The following TAS2R1 variants were observed in gnomAD, a reference collection of about 807,000 sequenced individuals.
TAS2R1 encodes the protein taste receptor type 2 member 1.
For missense variants in TAS2R1, 370 were observed against 353.4 expected (o/e 1.05, Z -0.38); for synonymous variants, 141 against 134.2 (o/e 1.05, Z -0.35).
the TAS2R1 span, among the ~76,000 whole-genome samples, chr5:9,742,645 C>T: frequency 1.3e-5 from 2 of 152,146 alleles, no homozygotes; most frequent in Non-Finnish European, 2.9e-5. Context: ...AAAGAAAATA[C>T]TCAAGGTTGT....
At chr5:9,729,033 A>G in the TAS2R1 span, among the ~76,000 whole-genome samples, 1 of 152,202 alleles carries the variant, frequency 6.6e-6, no homozygotes, top group Non-Finnish European at 1.5e-5. Flanking sequence ...ACCAGCATCC[A>G]GCTGTGCCAC....
chr5:9,716,448 G>A (rs1436278078), upstream of TAS2R1, among the ~76,000 whole-genome samples: 2 of 152,002 alleles, frequency 1.3e-5, no homozygotes, highest in Non-Finnish European at 2.9e-5. Context: ...AGCTAACTAA[G>A]GAGAAAGTCC....
intron 2 of TAS2R1, among the ~76,000 whole-genome samples, chr5:9,649,212 A>C (rs1489121962): frequency 6.6e-6 from 1 of 152,172 alleles, no homozygotes; most frequent in African/African-American, 2.4e-5. Flanking sequence ...AAAGTCATGC[A>C]TGGAATTCAT....
At chr5:9,731,077 T>G in the TAS2R1 span, among the ~76,000 whole-genome samples, 2 of 152,088 alleles carry the variant, frequency 1.3e-5, no homozygotes, top group Non-Finnish European at 2.9e-5. Context: ...CTGTCCCCCA[T>G]GAGTGTGTAC....
chr5:9,752,779 A>G, the TAS2R1 span, among the ~76,000 whole-genome samples: 6 of 145,174 alleles, frequency 4.1e-5, no homozygotes, highest in African/African-American at 1.3e-4. Context: ...ATTCCCACCT[A>G]TGAGTGAGAA....
chr5:9,902,958 G>A, the TAS2R1 span, among the ~76,000 whole-genome samples: 1 of 151,900 alleles, frequency 6.6e-6, no homozygotes, highest in Admixed American at 6.6e-5. Flanking sequence ...AAAAAAAAAT[G>A]TGTGAGTATG....
Position 9,709,254 on chromosome 5 carries a change from T to C in TAS2R1, c.-242+2918A>G, listed in dbSNP as rs147782638. ...ACCTTCCACAGACTCACTCATTGGC[T>C]AGAAGTGGGTCATTGTTTCAATTAT... is the stretch of plus-strand genomic sequence containing the variant. On this transcript the variant is annotated intron_variant, in intron 1 of 2. Coordinates refer to the TAS2R1 transcript ENST00000506620. 8.1e-3 allele frequency among the ~76,000 whole-genome samples: 1,225 copies of C among 152,018 alleles called. 4 individuals carry two copies. The highest frequency in any genetic ancestry group is 0.027 in the Middle Eastern group (8 of 292).
At chr5:9,727,207 A>C in the TAS2R1 span, among the ~76,000 whole-genome samples, 1 of 152,214 alleles carries the variant, frequency 6.6e-6, no homozygotes, top group South Asian at 2.1e-4. Context: ...CCATCCTTGA[A>C]TTGTTAGGCC....
At chr5:9,894,799 C>A in the TAS2R1 span, among the ~76,000 whole-genome samples, 5 of 152,248 alleles carry the variant, frequency 3.3e-5, no homozygotes, top group South Asian at 1.0e-3. Context: ...GAAACCACTT[C>A]ACAGCAGGTT....
chr5:9,843,771 A>G, the TAS2R1 span, among the ~76,000 whole-genome samples: 3 of 152,326 alleles, frequency 2.0e-5, no homozygotes, highest in East Asian at 5.8e-4. Context: ...AGCACAGTTT[A>G]GTTAAGTTCT....
chr5:9,796,734 A>G, the TAS2R1 span, among the ~76,000 whole-genome samples: 3 of 148,994 alleles, frequency 2.0e-5, no homozygotes, highest in Non-Finnish European at 4.4e-5. Flanking sequence ...AAAAAAAAAA[A>G]AAAAAGAAAA....
chr5:9,772,283 T>C, the TAS2R1 span, among the ~76,000 whole-genome samples: 1 of 152,168 alleles, frequency 6.6e-6, no homozygotes, highest in Non-Finnish European at 1.5e-5. Context: ...CTGGAGCATA[T>C]TGTTTAATTT....
At chr5:9,770,064 C>A in the TAS2R1 span, among the ~76,000 whole-genome samples, 1 of 152,090 alleles carries the variant, frequency 6.6e-6, no homozygotes, top group Admixed American at 6.5e-5. Context: ...AAATTTAAGT[C>A]TTTAATCCAT....
At chr5:9,754,121 G>A in the TAS2R1 span, among the ~76,000 whole-genome samples, 10 of 152,256 alleles carry the variant, frequency 6.6e-5, no homozygotes, top group East Asian at 9.6e-4. Flanking sequence ...ATCAATAAAC[G>A]TAATCCAGCA....
intron 1 of TAS2R1, among the ~76,000 whole-genome samples, chr5:9,673,881 C>T (rs923657028): frequency 6.6e-6 from 1 of 152,174 alleles, no homozygotes; most frequent in Non-Finnish European, 1.5e-5. Flanking sequence ...CAGCAAAGCT[C>T]ATCCCCTAAA....
the TAS2R1 span, among the ~76,000 whole-genome samples, chr5:9,756,234 C>G: frequency 2.6e-5 from 4 of 152,164 alleles, no homozygotes; most frequent in African/African-American, 9.7e-5. Flanking sequence ...TGGCCTGTAC[C>G]TTACGCGAGA....
intron 1 of TAS2R1, among the ~76,000 whole-genome samples, chr5:9,686,601 G>C (rs754230879): frequency 4.6e-5 from 7 of 152,146 alleles, no homozygotes; most frequent in Non-Finnish European, 8.8e-5. Context: ...GACAAAGATG[G>C]GGGGAAGGGA....
chr5:9,778,217 G>GA, the TAS2R1 span, among the ~76,000 whole-genome samples: 1 of 152,190 alleles, frequency 6.6e-6, no homozygotes, highest in Non-Finnish European at 1.5e-5. Flanking sequence ...GTAATATTCT[G>GA]AAAAAAGTTT....
chr5:9,869,260 G>C, the TAS2R1 span, among the ~76,000 whole-genome samples: 1 of 152,144 alleles, frequency 6.6e-6, no homozygotes, highest in African/African-American at 2.4e-5. Context: ...ACCCAAGACT[G>C]GGTAATTTAT....
Sources: allele counts gnomAD v4.1 joint callset (sites outside exome capture counted in the v4.1 genomes callset), GRCh38; gene constraint gnomAD v4.1.1; transcripts MANE v1.5; gene names NCBI Gene and HGNC (gene_info 2026-07-23, HGNC 2026-07-21).